The following FSTL4 variants were observed in gnomAD, a reference collection of about 807,000 sequenced individuals.
The protein encoded by FSTL4 is follistatin like 4, also known as follistatin-related protein 4.
FSTL4 carries 28 observed loss-of-function variants against 78.2 expected under a neutral mutation model. That is an observed-to-expected ratio of 0.36 (90% CI 0.27 to 0.49). The LOEUF is 0.49. FSTL4 is among the 20% of genes least tolerant of loss of function. FSTL4 has a pLI of 0.98. For synonymous variants in FSTL4, 422 were observed against 440.5 expected (o/e 0.96, Z 0.53); for missense variants, 922 against 1,084.9 (o/e 0.85, Z 2.11).
intron 6 of FSTL4, chr5:133,275,870 T>G (rs1386846916): frequency 6.6e-6 from 1 of 152,224 alleles, no homozygotes; most frequent in African/African-American, 2.4e-5. Context: ...CAGAAAACCC[T>G]GGAGAACAAC....
intron 2 of FSTL4, among the ~76,000 whole-genome samples, chr5:133,576,876 A>G (rs1760295047): frequency 6.6e-6 from 1 of 152,214 alleles, no homozygotes; most frequent in Non-Finnish European, 1.5e-5. Context: ...AATCTTTCTT[A>G]CAATTTTTCA....
the FSTL4 span, among the ~76,000 whole-genome samples, chr5:133,681,268 C>G: frequency 6.6e-6 from 1 of 152,222 alleles, no homozygotes; most frequent in Non-Finnish European, 1.5e-5. Context: ...CTGAGCTCCC[C>G]CTAAATAATG....
chr5:133,417,524 C>A (rs1441183775), intron 3 of FSTL4, among the ~76,000 whole-genome samples: 1 of 152,056 alleles, frequency 6.6e-6, no homozygotes, highest in Non-Finnish European at 1.5e-5. Flanking sequence ...ATATCTGAAG[C>A]AAGGAATCCT....
the FSTL4 span, among the ~76,000 whole-genome samples, chr5:133,644,067 G>A: frequency 2.0e-5 from 3 of 152,262 alleles, no homozygotes; most frequent in East Asian, 5.8e-4. Context: ...AATGGTGGTG[G>A]GAAAAGGGTA....
chr5:133,716,235 G>A, the FSTL4 span, among the ~76,000 whole-genome samples: 36 of 152,268 alleles, frequency 2.4e-4, no homozygotes, highest in African/African-American at 8.2e-4. Context: ...GGAAGAAACT[G>A]CACAAGCAAA....
At chr5:133,695,025 T>G in the FSTL4 span, among the ~76,000 whole-genome samples, 1 of 152,154 alleles carries the variant, frequency 6.6e-6, no homozygotes, top group Non-Finnish European at 1.5e-5. Flanking sequence ...TTTCAGCCAC[T>G]GTGTTGTGGC....
intron 4 of FSTL4, among the ~76,000 whole-genome samples, chr5:133,382,932 G>A (rs1755608982): frequency 7.0e-6 from 1 of 143,540 alleles, no homozygotes; most frequent in Admixed American, 6.7e-5. Flanking sequence ...GAGAGACAGG[G>A]AGAGAGAGAG....
chr5:133,486,832 G>A (rs981050226), intron 3 of FSTL4, among the ~76,000 whole-genome samples: 9 of 152,086 alleles, frequency 5.9e-5, no homozygotes, highest in Non-Finnish European at 2.9e-5. Context: ...ATATTGAAGC[G>A]CCACAAAACA....
chr5:133,796,941 T>C, the FSTL4 span, among the ~76,000 whole-genome samples: 4 of 152,174 alleles, frequency 2.6e-5, no homozygotes, highest in Admixed American at 6.5e-5. Flanking sequence ...ATCTTGGAGA[T>C]GAACAGTGCC....
At chr5:133,343,973 T>C (rs1439033146) in intron 4 of FSTL4, among the ~76,000 whole-genome samples, 1 of 152,246 alleles carries the variant, frequency 6.6e-6, no homozygotes, top group African/African-American at 2.4e-5. Flanking sequence ...CATATTGGCA[T>C]TTTCATTACA....
chr5:133,605,491 T>C (rs965803658), intron 1 of FSTL4, among the ~76,000 whole-genome samples: 11 of 152,142 alleles, frequency 7.2e-5, no homozygotes, highest in Admixed American at 2.6e-4. Context: ...AGTTGTCACA[T>C]AGTCACTAGT....
chr5:133,363,467 A>G (rs554140543), intron 4 of FSTL4, among the ~76,000 whole-genome samples: 1 of 152,162 alleles, frequency 6.6e-6, no homozygotes, highest in African/African-American at 2.4e-5. Context: ...CCTTCCCCCA[A>G]GCTTGGTCAC....
At chr5:133,814,874 T>C in the FSTL4 span, among the ~76,000 whole-genome samples, 1 of 152,222 alleles carries the variant, frequency 6.6e-6, no homozygotes, top group African/African-American at 2.4e-5. Flanking sequence ...AACTGTGCCC[T>C]AAGTGTTTAT....
At chr5:133,822,063 A>G in the FSTL4 span, among the ~76,000 whole-genome samples, 1 of 152,208 alleles carries the variant, frequency 6.6e-6, no homozygotes, top group African/African-American at 2.4e-5. Flanking sequence ...AAGACTCTGC[A>G]TTGCAAGAAC....
At chr5:133,596,051 C>T (rs1760730609) in intron 2 of FSTL4, among the ~76,000 whole-genome samples, 1 of 152,200 alleles carries the variant, frequency 6.6e-6, no homozygotes, top group African/African-American at 2.4e-5. Flanking sequence ...CAACATGAAA[C>T]ACACAAGGTG....
intron 6 of FSTL4, among the ~76,000 whole-genome samples, chr5:133,281,537 A>C (rs1001324821): frequency 6.6e-6 from 1 of 152,100 alleles, no homozygotes; most frequent in African/African-American, 2.4e-5. Flanking sequence ...CAGGATTCCC[A>C]AGCTGAGCTC....
At position 133,202,021 on chromosome 5, in the gene FSTL4, C is replaced by A; in HGVS notation, c.1738G>T (p.Gly580Cys). 6.2e-7 allele frequency: 1 copy of A among 1,610,382 alleles called. No homozygotes were observed. Among genetic ancestry groups the A allele is most frequent in the Non-Finnish European group, 8.5e-7 (1 of 1,177,614 alleles). ...GTGCGGATGAGGTGCTGGCTCTGGC[C>A]GGTGCTGGCTTCTGTGATCACCTAC... ...SLQVITEAST[G>C]QSQHLIRTPF... is the part of the protein sequence containing the mutation. Residue 580 changes from glycine to cysteine, a missense_variant, in exon 15 of 16, where the codon GGC becomes TGC. Physicochemically the swap from Gly to Cys is radical, Grantham distance 159. Transcript: ENST00000265342.
At chr5:133,351,197 G>GT (rs935036731) in intron 4 of FSTL4, among the ~76,000 whole-genome samples, 8 of 151,788 alleles carry the variant, frequency 5.3e-5, no homozygotes, top group East Asian at 1.9e-4. Context: ...CATCTGTTGT[G>GT]TTTTTTTTCT....
chr5:133,712,704 C>T, the FSTL4 span, among the ~76,000 whole-genome samples: 1 of 152,324 alleles, frequency 6.6e-6, no homozygotes, highest in East Asian at 1.9e-4. Context: ...TATCAGGTTG[C>T]TCGTGGATTT....
Sources: gnomAD v4.1 joint callset for allele counts (sites outside exome capture counted in the v4.1 genomes callset) on GRCh38, gnomAD v4.1.1 for gene constraint, MANE v1.5 for transcripts, NCBI Gene and HGNC (gene_info 2026-07-23, HGNC 2026-07-21) for gene names.